CAMKMT: variants seen among roughly 807,000 people sequenced by gnomAD.
The protein encoded by CAMKMT is CaM KMT.
In CAMKMT, 53 loss-of-function variants were observed where a neutral mutation model predicts 48.0. That is an observed-to-expected ratio of 1.10 (90% CI 0.89 to 1.39). CAMKMT has a LOEUF of 1.39. Ranked by LOEUF, CAMKMT falls within the 40% of genes most tolerant of loss-of-function variation. The pLI, the probability that CAMKMT is intolerant of heterozygous loss-of-function variation, is 0.00. For synonymous variants in CAMKMT, 165 were observed against 152.3 expected (o/e 1.08, Z -0.61); for missense variants, 428 against 402.7 (o/e 1.06, Z -0.54).
At chr2:44,631,058 T>C (rs1232488496) in intron 3 of CAMKMT, among the ~76,000 whole-genome samples, 1 of 152,200 alleles carries the variant, frequency 6.6e-6, no homozygotes, top group East Asian at 1.9e-4. Flanking sequence ...CATGGAATAC[T>C]ATGCAGCCAT....
At chr2:44,703,866 G>A (rs530032849) in intron 3 of CAMKMT, among the ~76,000 whole-genome samples, 1 of 149,728 alleles carries the variant, frequency 6.7e-6, no homozygotes, top group Non-Finnish European at 1.5e-5. Flanking sequence ...CAGTGGTTTT[G>A]TTTGCTCCTG....
At chr2:44,502,156 G>A (rs1047468501) in intron 3 of CAMKMT, among the ~76,000 whole-genome samples, 1 of 152,086 alleles carries the variant, frequency 6.6e-6, no homozygotes, top group Non-Finnish European at 1.5e-5. Flanking sequence ...AGGAGGCAGA[G>A]GTTGCGGTGA....
chr2:44,543,755 A>G (rs892224826), intron 3 of CAMKMT, among the ~76,000 whole-genome samples: 2 of 152,216 alleles, frequency 1.3e-5, no homozygotes, highest in African/African-American at 4.8e-5. Flanking sequence ...TACACAACAT[A>G]GTTGATGTAA....
chr2:44,529,117 C>A (rs1666330691), intron 3 of CAMKMT, among the ~76,000 whole-genome samples: 1 of 152,030 alleles, frequency 6.6e-6, no homozygotes, highest in Admixed American at 6.6e-5. Context: ...GATTTCTTTC[C>A]CTTTAACCGC....
At chr2:44,410,470 A>T (rs1241941033) in intron 3 of CAMKMT, among the ~76,000 whole-genome samples, 2 of 150,682 alleles carry the variant, frequency 1.3e-5, no homozygotes, top group African/African-American at 4.9e-5. Flanking sequence ...CTTGTTAGCC[A>T]GGAAGTATAT....
At chr2:44,648,903 A>G (rs1347526189) in intron 3 of CAMKMT, among the ~76,000 whole-genome samples, 1 of 152,232 alleles carries the variant, frequency 6.6e-6, no homozygotes, top group African/African-American at 2.4e-5. Flanking sequence ...GACAAGTACT[A>G]TAGTCATCCA....
chr2:44,456,468 G>C, intron 3 of CAMKMT: 1 of 1,406,462 alleles, frequency 7.1e-7, no homozygotes, highest in South Asian at 1.4e-5. Context: ...ATATAAATAT[G>C]TACATTCTTG....
At chr2:44,407,414 C>G (rs1049863497) in intron 3 of CAMKMT, among the ~76,000 whole-genome samples, 2 of 152,132 alleles carry the variant, frequency 1.3e-5, no homozygotes, top group Non-Finnish European at 2.9e-5. Flanking sequence ...TGCTTCTCCC[C>G]AGACGGCAAT....
intron 3 of CAMKMT, among the ~76,000 whole-genome samples, chr2:44,692,977 A>T (rs1676747807): frequency 6.6e-6 from 1 of 152,178 alleles, no homozygotes; most frequent in Non-Finnish European, 1.5e-5. Context: ...CCACTTATTC[A>T]TGCCATAAAC....
chr2:44,585,871 A>C (rs941495054), intron 3 of CAMKMT, among the ~76,000 whole-genome samples: 10 of 152,330 alleles, frequency 6.6e-5, no homozygotes, highest in Admixed American at 3.3e-4. Flanking sequence ...GCATAATTTT[A>C]GAGTGTGTAA....
At chr2:44,504,898 A>C (rs953984136) in intron 3 of CAMKMT, among the ~76,000 whole-genome samples, 12 of 152,164 alleles carry the variant, frequency 7.9e-5, no homozygotes, top group Admixed American at 5.2e-4. Flanking sequence ...CAGCTTGTAC[A>C]AGAAGCATGG....
intron 3 of CAMKMT, among the ~76,000 whole-genome samples, chr2:44,695,919 G>A (rs931437135): frequency 1.3e-5 from 2 of 150,602 alleles, no homozygotes; most frequent in Non-Finnish European, 3.0e-5. Flanking sequence ...AAAAAAAAAA[G>A]ACTAAAAATA....
At position 44,365,827 on chromosome 2, in the gene CAMKMT, A is replaced by G. The variant is rs542085030; in HGVS notation, c.138+3682A>G. ...CACGTATTTACAAACCACCTACCGA[A>G]TGAAAAATGTTGCCTAGAGGTATGA... On this transcript the variant is annotated intron_variant, in intron 1 of 10. Transcript: ENST00000378494. 5.9e-5 allele frequency among the ~76,000 whole-genome samples: 9 copies of G among 152,372 alleles called. No individual in the cohort carries two copies. The East Asian group carries it at 1.5e-3, about 26-fold the overall frequency.
At chr2:44,768,257 T>C (rs546857399) in intron 10 of CAMKMT, among the ~76,000 whole-genome samples, 221 of 151,080 alleles carry the variant, frequency 1.5e-3, no homozygotes, top group Middle Eastern at 3.4e-3. Flanking sequence ...GTCTTCGTGG[T>C]TGGGGGTGGG....
intron 3 of CAMKMT, among the ~76,000 whole-genome samples, chr2:44,583,021 T>C (rs1669646677): frequency 6.6e-6 from 1 of 152,090 alleles, no homozygotes; most frequent in East Asian, 1.9e-4. Flanking sequence ...GTTCTGATAC[T>C]CCCCACAAAA....
intron 2 of CAMKMT, among the ~76,000 whole-genome samples, chr2:44,376,759 T>C (rs928490632): frequency 1.3e-5 from 2 of 152,200 alleles, no homozygotes; most frequent in African/African-American, 4.8e-5. Flanking sequence ...ACCATTATTT[T>C]CTGTCAGCCT....
chr2:44,689,264 T>TTTTTTTTTTTTA (rs1553438288), intron 3 of CAMKMT, among the ~76,000 whole-genome samples: 7 of 136,254 alleles, frequency 5.1e-5, no homozygotes, highest in African/African-American at 1.7e-4. Context: ...CAGCACTATT[T>TTTTTTTTTTTTA]TTTATTTATT....
intron 3 of CAMKMT, among the ~76,000 whole-genome samples, chr2:44,401,309 G>A (rs1682356084): frequency 2.0e-5 from 3 of 152,250 alleles, no homozygotes; most frequent in Admixed American, 2.0e-4. Context: ...TGTAATCTCA[G>A]CACTTTGGGA....
chr2:44,449,710 A>G (rs140284872), intron 3 of CAMKMT, among the ~76,000 whole-genome samples: 1 of 152,300 alleles, frequency 6.6e-6, no homozygotes, highest in East Asian at 1.9e-4. Flanking sequence ...TTGCTTAAAA[A>G]CAGCAAGGAA....
Sources: gnomAD v4.1 joint callset for allele counts (sites outside exome capture counted in the v4.1 genomes callset) on GRCh38, gnomAD v4.1.1 for gene constraint, MANE v1.5 for transcripts, NCBI Gene and HGNC (gene_info 2026-07-23, HGNC 2026-07-21) for gene names.